The following HIRA variants were observed in gnomAD, a reference collection of about 807,000 sequenced individuals.
HIRA encodes the protein protein HIRA.
A neutral mutation model predicts 126.6 loss-of-function variants in HIRA; 13 were observed. The observed-to-expected ratio is 0.10, with a 90% CI of 0.07 to 0.16. HIRA has a LOEUF of 0.16. HIRA is among the 10% of genes least tolerant of loss of function. The pLI, the probability that HIRA is intolerant of heterozygous loss-of-function variation, is 1.00. For missense variants in HIRA, 834 were observed against 1,314.4 expected (o/e 0.63, Z 5.65); for synonymous variants, 511 against 520.0 (o/e 0.98, Z 0.24).
intron 15 of HIRA, among the ~76,000 whole-genome samples, chr22:19,374,278 G>A (rs1255007886): frequency 1.3e-5 from 2 of 152,098 alleles, no homozygotes; most frequent in Non-Finnish European, 2.9e-5. Flanking sequence ...AGGTTGCAGT[G>A]AGCAGAGTGG....
At chr22:19,347,866 G>A (rs1242726633) in intron 24 of HIRA, among the ~76,000 whole-genome samples, 1 of 152,150 alleles carries the variant, frequency 6.6e-6, no homozygotes, top group Non-Finnish European at 1.5e-5. Context: ...TTGAACCCAG[G>A]AGGCAGAGGT....
chr22:19,357,042 C>T lies in HIRA; in HGVS notation c.2244G>A (p.Val748=), dbSNP rs782304041. 5 of 1,613,950 alleles carry T rather than the reference C, an allele frequency of 3.1e-6. No homozygotes were observed. Among genetic ancestry groups the T allele is most frequent in the Middle Eastern group, 1.6e-4 (1 of 6,084 alleles). ...ILTAAGSCDV[V]CVACEKRMLS... is the part of the protein sequence containing the mutation. ...GCATCCTTTTTTCACAGGCGACACA[C>T]ACCACGTCACTGAGAAGGCAGAGTG... The change falls in exon 19 of 25, where the codon GTG becomes GTA. Residue 748 remains valine, a synonymous_variant. Transcript: ENST00000263208.
At chr22:19,355,734 A>C in intron 21 of HIRA, 26 bp downstream of exon 21, 2 of 1,503,854 alleles carry the variant, frequency 1.3e-6, no homozygotes, top group Non-Finnish European at 1.9e-6. Flanking sequence ...CTTCCAGGGA[A>C]TAGGACTGGG....
chr22:19,332,309 G>T (rs1556004840), intron 24 of HIRA, among the ~76,000 whole-genome samples: 2 of 152,202 alleles, frequency 1.3e-5, no homozygotes, highest in African/African-American at 4.8e-5. Context: ...AAGAATAAGT[G>T]TAACTATTAG....
chr22:19,367,873 C>T (rs2088928249), intron 15 of HIRA, among the ~76,000 whole-genome samples: 1 of 152,280 alleles, frequency 6.6e-6, no homozygotes, highest in East Asian at 1.9e-4. Flanking sequence ...CCCATGGATA[C>T]AGAGGGGCGC....
intron 7 of HIRA, 22 bp from the exon 8 acceptor site, chr22:19,394,531 G>A (rs1192111555): frequency 6.2e-7 from 1 of 1,609,976 alleles, no homozygotes; most frequent in South Asian, 1.1e-5. Context: ...ATCTGCACTT[G>A]AAAGGAGCTC....
chr22:19,395,755 A>G (rs1215729088), intron 7 of HIRA, among the ~76,000 whole-genome samples: 1 of 152,118 alleles, frequency 6.6e-6, no homozygotes, highest in African/African-American at 2.4e-5. Flanking sequence ...ACTAATGGGA[A>G]TGCCTGTCTT....
At position 19,422,912 on chromosome 22, in the gene HIRA, G is replaced by C. The variant is rs141811731; in HGVS notation, c.37+8528C>G. Among the ~76,000 whole-genome samples the C allele has an allele frequency of 3.3e-5, 5 of 152,214 alleles. No homozygotes were observed. In the East Asian group the frequency reaches 7.8e-4, roughly 24 times the overall value. On this transcript the variant is annotated intron_variant, in intron 1 of 24. Coordinates refer to ENST00000263208, the MANE Select transcript of HIRA (RefSeq NM_003325.4). Reference sequence around the variant, plus strand: ...AGCCTATATCCAGGCTGTGGACACGGGAGTAAAGGGCCCTGGTCTCCCACC... The same window carrying C: ...AGCCTATATCCAGGCTGTGGACACGCGAGTAAAGGGCCCTGGTCTCCCACC...
chr22:19,377,059 C>A (rs1483560423), intron 14 of HIRA, among the ~76,000 whole-genome samples: 2 of 152,242 alleles, frequency 1.3e-5, no homozygotes, highest in African/African-American at 4.8e-5. Flanking sequence ...GACTGGGGGG[C>A]TGCTGCCCCT....
Position 19,361,348 on chromosome 22 carries a change from G to A in HIRA, c.1981-7C>T. 1 of 1,613,144 alleles carries A rather than the reference G, an allele frequency of 6.2e-7. No homozygotes were observed. The highest frequency in any genetic ancestry group is 8.5e-7 in the Non-Finnish European group (1 of 1,179,038). ...CGGTTAGGGCAGCTGGAGACTGGAA[G>A]AGCCAGAAACGTTCCTGAGCCTTGC... On this transcript the variant is annotated splice_region_variant and splice_polypyrimidine_tract_variant and intron_variant, in intron 16 of 24. Transcript: ENST00000263208.
intron 1 of HIRA, among the ~76,000 whole-genome samples, chr22:19,417,243 C>T (rs1176451570): frequency 3.3e-5 from 5 of 151,994 alleles, no homozygotes; most frequent in Admixed American, 3.3e-4. Context: ...AAATAACCAA[C>T]AAGCACATGA....
intron 13 of HIRA, among the ~76,000 whole-genome samples, chr22:19,380,515 T>C (rs533370488): frequency 1.1e-4 from 16 of 152,260 alleles, no homozygotes; most frequent in Non-Finnish European, 1.9e-4. Context: ...ATGACAGCTT[T>C]TAAGTCTTAA....
intron 13 of HIRA, among the ~76,000 whole-genome samples, chr22:19,383,061 G>A (rs904061850): frequency 2.0e-5 from 3 of 152,016 alleles, no homozygotes; most frequent in South Asian, 2.1e-4. Context: ...CAAATCCTAG[G>A]ATGGGAATCT....
At chr22:19,384,353 C>T (rs906956014) in intron 12 of HIRA, among the ~76,000 whole-genome samples, 2 of 147,348 alleles carry the variant, frequency 1.4e-5, no homozygotes, top group African/African-American at 5.0e-5. Flanking sequence ...AGAGAGATAT[C>T]ATGCGGTATT....
At chr22:19,411,897 TA>T (rs1245660501) in intron 1 of HIRA, among the ~76,000 whole-genome samples, 4 of 152,162 alleles carry the variant, frequency 2.6e-5, no homozygotes, top group Admixed American at 1.3e-4. Flanking sequence ...GTGTGAAAAT[TA>T]AATGCTGGTG....
chr22:19,357,141 G>A, intron 18 of HIRA, 90 bp from the exon 19 acceptor site: 1 of 1,489,218 alleles, frequency 6.7e-7, no homozygotes, highest in Non-Finnish European at 9.2e-7. Flanking sequence ...CCCTCTGCCT[G>A]GGCCCAACAA....
intron 13 of HIRA, among the ~76,000 whole-genome samples, chr22:19,380,020 G>A (rs867306592): frequency 6.6e-6 from 1 of 151,796 alleles, no homozygotes; most frequent in South Asian, 2.1e-4. Flanking sequence ...ATGTTGGCCA[G>A]GATGGTCTTG....
intron 24 of HIRA, among the ~76,000 whole-genome samples, chr22:19,344,856 C>T (rs2088669091): frequency 6.6e-6 from 1 of 152,114 alleles, no homozygotes; most frequent in African/African-American, 2.4e-5. Flanking sequence ...TAATACATCA[C>T]ATTAATGAAA....
At chr22:19,356,416 C>A (rs2146192733) in intron 19 of HIRA, 128 bp from the exon 20 acceptor site, 1 of 733,928 alleles carries the variant, frequency 1.4e-6, no homozygotes. Context: ...GTGAGAGGGG[C>A]TCTGGGCTAC....
Sources: gnomAD v4.1 joint callset for allele counts (sites outside exome capture counted in the v4.1 genomes callset) on GRCh38, gnomAD v4.1.1 for gene constraint, MANE v1.5 for transcripts, NCBI Gene and HGNC (gene_info 2026-07-23, HGNC 2026-07-21) for gene names.